Variants in DPY19L3 observed in about 807,000 individuals in gnomAD.
DPY19L3 encodes the protein dpy-19 like C-mannosyltransferase 3, also known as protein C-mannosyl-transferase DPY19L3.
Under a neutral mutation model 92.3 loss-of-function variants are expected in DPY19L3, and 51 were observed. That is an observed-to-expected ratio of 0.55 (90% CI 0.44 to 0.70). The LOEUF (loss-of-function observed/expected upper bound fraction) is 0.70. Ranked by LOEUF, DPY19L3 falls within the 30% of genes least tolerant of loss-of-function variation. The probability of loss-of-function intolerance (pLI) is 0.00; values close to 1 mark genes in which losing one functional copy is unlikely to be tolerated. For synonymous variants in DPY19L3, 309 were observed against 315.2 expected (o/e 0.98, Z 0.21); for missense variants, 706 against 855.9 (o/e 0.82, Z 2.18).
Position 32,464,753 on chromosome 19 carries a change from C to T in DPY19L3, c.1583C>T (p.Pro528Leu), listed in dbSNP as rs1042584324. Residue 528 changes from proline to leucine, a missense_variant, in exon 15 of 19, where the codon CCG (proline) becomes CTG (leucine). Coordinates refer to ENST00000392250, the MANE Select transcript of DPY19L3 (RefSeq NM_001172774.2). ...ATATGTATAATGCGATATTCAGTAC[C>T]GATATTAATACTGCTGTATCTATGC... ...KRICIMRYSV[P>L]ILILLYLCYK... 2 of 1,523,766 alleles carry T rather than the reference C, an allele frequency of 1.3e-6. No homozygotes were observed. Among genetic ancestry groups the T allele is most frequent in the Admixed American group, 1.9e-5 (1 of 52,360 alleles). 94.4% of individuals were successfully genotyped at this position (1,523,766 alleles called of 1,614,324 possible).
At chr19:32,458,634 A>G (rs1599654142) in intron 12 of DPY19L3, 125 bp downstream of exon 12, 2 of 1,005,622 alleles carry the variant, frequency 2.0e-6, no homozygotes, top group Non-Finnish European at 2.9e-6. Context: ...AAGGGGGAAC[A>G]TACCTCGTTT....
chr19:32,411,221 G>T lies in DPY19L3; in HGVS notation c.104-18G>T. The stretch of plus-strand genomic sequence containing the variant: ...TTTTTACTGACTTAGTTATTTATCT[G>T]TTCCATTTTTCCAAAAGGTTGTACC... On this transcript the variant is annotated intron_variant, in intron 2 of 18. Transcript: ENST00000392250. 1 of 1,600,134 alleles carries T rather than the reference G, an allele frequency of 6.2e-7. No homozygotes were observed. The highest frequency in any genetic ancestry group is 8.5e-7 in the Non-Finnish European group (1 of 1,176,032).
At chr19:32,445,204 G>A (rs940950165) in intron 8 of DPY19L3, among the ~76,000 whole-genome samples, 3 of 151,734 alleles carry the variant, frequency 2.0e-5, no homozygotes, top group African/African-American at 7.3e-5. Context: ...TACTTTGGGA[G>A]GCCGAGGCAG....
intron 8 of DPY19L3, among the ~76,000 whole-genome samples, chr19:32,442,727 AC>A (rs1216406889): frequency 6.6e-6 from 1 of 152,214 alleles, no homozygotes; most frequent in Non-Finnish European, 1.5e-5. Context: ...AGGAAGCCTA[AC>A]AAGACAGAAA....
chr19:32,450,064 A>G (rs932745454), intron 8 of DPY19L3, among the ~76,000 whole-genome samples: 1 of 152,224 alleles, frequency 6.6e-6, no homozygotes, highest in Non-Finnish European at 1.5e-5. Flanking sequence ...TTTCAATGAT[A>G]AAATAGCAAA....
At chr19:32,448,516 A>C (rs2145543414) in intron 8 of DPY19L3, among the ~76,000 whole-genome samples, 1 of 152,334 alleles carries the variant, frequency 6.6e-6, no homozygotes, top group East Asian at 1.9e-4. Context: ...TGATTAACAG[A>C]TATTTTGTAT....
In DPY19L3 at chr19:32,436,634, G is replaced by A. The variant is rs373872127; in HGVS notation, c.450+67G>A. The A allele has an allele frequency of 3.0e-4, 387 of 1,286,322 alleles. 8 individuals are homozygous for A. The South Asian group carries it at 7.9e-3, about 26-fold the overall frequency. 79.7% of individuals were successfully genotyped at this position (1,286,322 alleles called of 1,614,324 possible). On this transcript the variant is annotated intron_variant, in intron 5 of 18. Transcript: ENST00000392250. ...CAAAGTCTGCCATTTTGAACTGAAA[G>A]TTATCACATCGTTCTTTCTGATCTT...
chr19:32,429,004 C>T (rs368161304), intron 3 of DPY19L3, among the ~76,000 whole-genome samples: 1,682 of 152,044 alleles, frequency 0.011, 12 homozygotes, highest in Non-Finnish European at 0.018. Flanking sequence ...CCTGCCACCG[C>T]GCTTGGCTAA....
intron 17 of DPY19L3, chr19:32,479,585 G>C (rs1463866446): frequency 4.6e-6 from 2 of 434,240 alleles, no homozygotes; most frequent in Non-Finnish European, 9.2e-6. Flanking sequence ...CATCAAGTTA[G>C]ACCCTCAAGC....
At chr19:32,449,162 A>T (rs1311505786) in intron 8 of DPY19L3, among the ~76,000 whole-genome samples, 1 of 152,244 alleles carries the variant, frequency 6.6e-6, no homozygotes, top group Non-Finnish European at 1.5e-5. Context: ...AAAGGATACA[A>T]ACACTTCCTA....
chr19:32,425,650 CAG>C (rs1968735445), intron 3 of DPY19L3, among the ~76,000 whole-genome samples: 1 of 152,008 alleles, frequency 6.6e-6, no homozygotes, highest in African/African-American at 2.4e-5. Context: ...GAAAATAACA[CAG>C]ATAACCAGAT....
chr19:32,430,312 C>T (rs1332858301), intron 3 of DPY19L3, among the ~76,000 whole-genome samples: 1 of 152,012 alleles, frequency 6.6e-6, no homozygotes. Context: ...GACCCTGACA[C>T]GCAAAGGCTA....
intron 3 of DPY19L3, chr19:32,428,098 A>G (rs71351163): frequency 0.06 from 9,027 of 151,332 alleles, 417 homozygotes; most frequent in East Asian, 0.29. Context: ...CAGCCTCCCA[A>G]GTAGCTGGAA....
chr19:32,427,333 A>G (rs1968800311), intron 3 of DPY19L3, among the ~76,000 whole-genome samples: 1 of 152,162 alleles, frequency 6.6e-6, no homozygotes, highest in South Asian at 2.1e-4. Flanking sequence ...TCTTTCGGTC[A>G]AATACTAAAT....
At chr19:32,430,382 C>CA (rs986945381) in intron 3 of DPY19L3, among the ~76,000 whole-genome samples, 11 of 148,828 alleles carry the variant, frequency 7.4e-5, no homozygotes, top group Admixed American at 2.7e-4. Flanking sequence ...ACCCTGTCTC[C>CA]AAAAAAAAAT....
chr19:32,477,460 T>G, intron 16 of DPY19L3, 62 bp from the exon 17 acceptor site: 4 of 1,593,388 alleles, frequency 2.5e-6, no homozygotes, highest in Non-Finnish European at 3.4e-6. Context: ...TGATATTGTC[T>G]TCTTTGTTGT....
At chr19:32,463,250 A>AT (rs1555725089) in intron 12 of DPY19L3, 116 bp from the exon 13 acceptor site, 1 of 1,157,840 alleles carries the variant, frequency 8.6e-7, no homozygotes, top group Non-Finnish European at 1.2e-6. Context: ...CATCTTATGG[A>AT]AATAATCAAT....
In DPY19L3 at chr19:32,484,278, T is replaced by C. The variant is rs1309474028; in HGVS notation, c.*2038T>C. On this transcript the variant is annotated 3_prime_UTR_variant, in exon 19 of 19. Transcript: ENST00000392250. ...ACCATGTACAGTAGCTATTTCCTGA[T>C]GACCAAATCTCTCAACGAATCATGT... The C allele has an allele frequency of 1.3e-5, 2 of 152,652 alleles. No homozygotes were observed. Among genetic ancestry groups the C allele is most frequent in the African/African-American group, 4.8e-5 (2 of 41,462 alleles). The allele number at this position is 152,652 out of a possible 1,614,324, so 9.5% of individuals were successfully genotyped here.
chr19:32,406,879 G>A (rs1967973915), intron 1 of DPY19L3, among the ~76,000 whole-genome samples: 1 of 152,122 alleles, frequency 6.6e-6, no homozygotes, highest in African/African-American at 2.4e-5. Flanking sequence ...CTAGGATGAG[G>A]TCACATGGGG....
Sources: gnomAD v4.1 joint callset for allele counts (sites outside exome capture counted in the v4.1 genomes callset) on GRCh38, gnomAD v4.1.1 for gene constraint, MANE v1.5 for transcripts, NCBI Gene and HGNC (gene_info 2026-07-23, HGNC 2026-07-21) for gene names.